The following PCNT variants were observed in gnomAD, a reference collection of about 807,000 sequenced individuals.
PCNT encodes the protein pericentrin.
Under a neutral mutation model 380.4 loss-of-function variants are expected in PCNT, and 319 were observed. The ratio of observed to expected loss-of-function variants is 0.84; its 90% CI spans 0.77 to 0.92. PCNT has a LOEUF of 0.92. Ranked by LOEUF, PCNT falls within the 40% of genes least tolerant of loss-of-function variation. The probability of loss-of-function intolerance (pLI) is 0.00; values close to 1 mark genes in which losing one functional copy is unlikely to be tolerated. For missense variants in PCNT, 4,400 were observed against 4,255.3 expected (o/e 1.03, Z -0.95); for synonymous variants, 1,845 against 1,735.2 (o/e 1.06, Z -1.57).
intron 22 of PCNT, 90 bp from the exon 23 acceptor site, chr21:46,397,924 G>C (rs1426757790): frequency 3.3e-6 from 3 of 921,930 alleles, no homozygotes; most frequent in African/African-American, 1.6e-5. Context: ...AGTTGCACTT[G>C]TACGTGCAGT....
chr21:46,444,009 G>C, intron 45 of PCNT, 61 bp downstream of exon 45: 1 of 1,551,238 alleles, frequency 6.4e-7, no homozygotes, highest in Non-Finnish European at 8.8e-7. Flanking sequence ...CCTACATAGG[G>C]CCTCAGAGAA....
At chr21:46,428,102 G>A (rs552686150) in intron 34 of PCNT, among the ~76,000 whole-genome samples, 4 of 152,352 alleles carry the variant, frequency 2.6e-5, no homozygotes, top group African/African-American at 9.6e-5. Flanking sequence ...GGTGCTCTGT[G>A]TGCAGGGCTG....
intron 24 of PCNT, among the ~76,000 whole-genome samples, chr21:46,399,278 T>TCCCTGTGCAGCCTGTGGGTCTAGGTCTCC (rs10645542): frequency 9.5e-5 from 3 of 31,606 alleles, no homozygotes; most frequent in East Asian, 7.2e-4. Flanking sequence ...GGTCTGGGTC[T>TCCCTGTGCAGCCTGTGGGTCTAGGTCTCC]CTGTTCAGCC....
chr21:46,343,275 G>C (rs954285138), intron 3 of PCNT, among the ~76,000 whole-genome samples: 1 of 152,184 alleles, frequency 6.6e-6, no homozygotes, highest in Non-Finnish European at 1.5e-5. Context: ...AATGTTGGCT[G>C]TGGGTTTGTC....
At chr21:46,365,365 CTGAT>C (rs1282200818) in intron 14 of PCNT, among the ~76,000 whole-genome samples, 2 of 140,832 alleles carry the variant, frequency 1.4e-5, no homozygotes, top group Non-Finnish European at 1.6e-5. Flanking sequence ...CCGTGGGGTT[CTGAT>C]CACTGCCGTG....
chr21:46,346,580 T>G (rs1201743977), intron 4 of PCNT, 163 bp from the exon 5 acceptor site: 2 of 849,406 alleles, frequency 2.4e-6, no homozygotes, highest in Non-Finnish European at 3.7e-6. Flanking sequence ...GGGTGGCATC[T>G]CAGTGGCATC....
In PCNT at chr21:46,346,940, C is replaced by A; in HGVS notation, c.918C>A (p.Leu306=). ...GGCAGCAGCACGAGCTGGAGCTCCT[C>A]AGGGAGCAGCACGCACGGGAGAAGG... The part of the protein sequence containing the change: ...QSRQQHELEL[L]REQHAREKEE... The change falls in exon 5 of 47, where the codon CTC becomes CTA. Residue 306 remains leucine, a synonymous_variant. Transcript: ENST00000359568. The A allele has an allele frequency of 6.3e-7, 1 of 1,598,232 alleles. No homozygotes were observed. Among genetic ancestry groups the A allele is most frequent in the Non-Finnish European group, 8.5e-7 (1 of 1,174,206 alleles).
intron 40 of PCNT, 44 bp downstream of exon 40, chr21:46,437,125 C>G: frequency 2.3e-6 from 3 of 1,282,484 alleles, no homozygotes; most frequent in East Asian, 2.3e-5. Context: ...GCTCCTCCCC[C>G]AGAGGGGCCC....
Position 46,334,498 on chromosome 21 carries a change from T to C in PCNT, c.369T>C (p.Ser123=), listed in dbSNP as rs774899094. ...PPEQCGMFTV[S]DHPPEQHGMF... ...AGCAGTGTGGGATGTTCACAGTCAG[T>C]GACCACCCACCAGAACAGCATGGGA... Residue 123 remains serine (S), a synonymous_variant, in exon 3 of 47, where the codon AGT becomes AGC. Transcript: ENST00000359568. 1 of 1,610,090 alleles carries C rather than the reference T, an allele frequency of 6.2e-7. No homozygotes were observed. The highest frequency in any genetic ancestry group is 8.5e-7 in the Non-Finnish European group (1 of 1,177,386).
At chr21:46,426,451 T>TG (rs911815652) in intron 33 of PCNT, among the ~76,000 whole-genome samples, 100 of 152,206 alleles carry the variant, frequency 6.6e-4, no homozygotes, top group African/African-American at 2.2e-3. Flanking sequence ...TGGAGGTGTG[T>TG]GGGGGGCAGA....
intron 13 of PCNT, among the ~76,000 whole-genome samples, chr21:46,361,331 C>T (rs1414722469): frequency 6.6e-6 from 1 of 152,226 alleles, no homozygotes; most frequent in Admixed American, 6.5e-5. Context: ...GCAGAGGTTG[C>T]AGTGAGCCAC....
At chr21:46,330,370 C>T (rs187370521) in intron 2 of PCNT, among the ~76,000 whole-genome samples, 100 of 152,238 alleles carry the variant, frequency 6.6e-4, no homozygotes, top group African/African-American at 2.3e-3. Flanking sequence ...TCTCCCACCT[C>T]GGCCTCCCAA....
chr21:46,346,251 T>C (rs1474064507), intron 4 of PCNT, 43 bp downstream of exon 4: 7 of 1,418,690 alleles, frequency 4.9e-6, no homozygotes, highest in Non-Finnish European at 7.0e-6. Flanking sequence ...ATGGGCTCTG[T>C]TATCCCCACA....
intron 15 of PCNT, 101 bp downstream of exon 15, chr21:46,367,240 T>C (rs1212805209): frequency 4.1e-6 from 4 of 977,052 alleles, no homozygotes; most frequent in Admixed American, 4.0e-5. Flanking sequence ...TGTGTGTGCC[T>C]GTGCGGGTGT....
chr21:46,332,607 G>C (rs764254712), intron 2 of PCNT, among the ~76,000 whole-genome samples: 22 of 152,144 alleles, frequency 1.4e-4, no homozygotes, highest in Non-Finnish European at 2.5e-4. Flanking sequence ...ACTTCCTCTT[G>C]ATTCTGAGAA....
intron 15 of PCNT, among the ~76,000 whole-genome samples, chr21:46,369,151 A>AG (rs1429900821): frequency 3.3e-5 from 5 of 152,214 alleles, no homozygotes; most frequent in Admixed American, 6.5e-5. Context: ...CTCCTGAGTA[A>AG]GGTGCAGTCA....
intron 46 of PCNT, among the ~76,000 whole-genome samples, 196 bp from the exon 47 acceptor site, chr21:46,445,088 C>T (rs1193636308): frequency 4.6e-5 from 7 of 152,162 alleles, no homozygotes; most frequent in African/African-American, 1.4e-4. Context: ...TGATAGCGAA[C>T]ATAAAGATTA....
At position 46,438,262 on chromosome 21, in the gene PCNT, G is replaced by A. The variant is rs2053515219; in HGVS notation, c.9198G>A (p.Lys3066=). The part of the protein sequence containing the change: ...TKALSTVTQE[K]LELSRAVSKL... ...CGCTCAGCACGGTGACCCAGGAGAA[G>A]CTGGAGCTGAGCAGAGCCGTGTCTA... The change falls in exon 41 of 47, where the codon AAG becomes AAA. Residue 3066 remains lysine (K), a synonymous_variant. Transcript: ENST00000359568. 1 of 1,614,108 alleles carries A rather than the reference G, an allele frequency of 6.2e-7. No homozygotes were observed. The highest frequency in any genetic ancestry group is 1.3e-5 in the African/African-American group (1 of 74,942).
intron 14 of PCNT, 139 bp downstream of exon 14, chr21:46,364,073 C>T (rs1198194139): frequency 1.2e-5 from 9 of 751,058 alleles, no homozygotes; most frequent in Non-Finnish European, 2.0e-5. Context: ...CAAGGTGTGG[C>T]GCTCTAGGTT....
Sources: gnomAD v4.1 joint callset for allele counts (sites outside exome capture counted in the v4.1 genomes callset) on GRCh38, gnomAD v4.1.1 for gene constraint, MANE v1.5 for transcripts, NCBI Gene and HGNC (gene_info 2026-07-23, HGNC 2026-07-21) for gene names.